FUT9: variants seen among roughly 807,000 people sequenced by gnomAD.
FUT9 encodes the protein 4-galactosyl-N-acetylglucosaminide 3-alpha-L-fucosyltransferase 9.
In FUT9, 15 loss-of-function variants were observed where a neutral mutation model predicts 29.7. The observed-to-expected ratio is 0.51, with a 90% confidence interval of 0.34 to 0.78. The LOEUF (loss-of-function observed/expected upper bound fraction) is 0.78. Among genes scored for constraint, FUT9 ranks in the 30% least tolerant of loss-of-function variants. The pLI, the probability that FUT9 is intolerant of heterozygous loss-of-function variation, is 0.01. For synonymous variants in FUT9, 169 were observed against 153.7 expected, an observed-to-expected ratio of 1.10 and a Z score of -0.74; for missense variants, 319 against 425.4, an observed-to-expected ratio of 0.75 and a Z score of 2.20.
intron 2 of FUT9, among the ~76,000 whole-genome samples, chr6:96,153,723 T>C (rs1461531244): frequency 6.6e-6 from 1 of 152,208 alleles, no homozygotes; most frequent in Non-Finnish European, 1.5e-5. Flanking sequence ...CTCTCATTTA[T>C]CACTTTGTCA....
intron 1 of FUT9, among the ~76,000 whole-genome samples, chr6:96,044,349 A>C (rs1770521440): frequency 1.3e-5 from 2 of 152,256 alleles, no homozygotes; most frequent in African/African-American, 4.8e-5. Flanking sequence ...ACAAAGAGAC[A>C]GAACTAAATA....
chr6:96,120,269 CTTTT>C lies in FUT9; in HGVS notation c.-9+6158_-9+6161del, dbSNP rs11347804. Among the ~76,000 whole-genome samples, 9 of 91,470 alleles carry C rather than the reference CTTTT, an allele frequency of 9.8e-5. No individual in the cohort carries two copies. In the South Asian group the frequency reaches 3.7e-3, roughly 38 times the overall value. 60.0% of individuals were successfully genotyped at this position (91,470 alleles called of 152,430 possible). A position where few individuals can be genotyped will look rare whatever the true frequency, so the allele number is the denominator to read the frequency against. ...AAGACCCACTTTTTCTTTTTTCTTT[CTTTT>C]TTTTTTTTTTTTTTTGAGATGGAGT... On this transcript the variant is annotated intron_variant, in intron 2 of 2. Coordinates refer to ENST00000302103, the MANE Select transcript of FUT9 (RefSeq NM_006581.4).
At position 96,194,703 on chromosome 6, in the gene FUT9, ATTTT is replaced by A. The variant is rs68110155; in HGVS notation, c.-8-8434_-8-8431del. Among the ~76,000 whole-genome samples, 587 of 150,450 alleles carry A rather than the reference ATTTT, an allele frequency of 3.9e-3. 3 individuals are homozygous for A. Among genetic ancestry groups the A allele is most frequent in the Non-Finnish European group, 3.6e-3 (246 of 67,670 alleles). On this transcript the variant is annotated intron_variant, in intron 2 of 2. Transcript: ENST00000302103. The stretch of plus-strand genomic sequence containing the variant: ...TATCAGCCCAAAATGAGAGTTTTGG[ATTTT>A]TTTTTTTTTTAATCTGTTGGCTGCA...
At chr6:96,195,538 T>A (rs1383052571) in intron 2 of FUT9, among the ~76,000 whole-genome samples, 1 of 152,106 alleles carries the variant, frequency 6.6e-6, no homozygotes, top group Non-Finnish European at 1.5e-5. Flanking sequence ...ATGGAGAAAA[T>A]TGTGGGAACT....
intron 2 of FUT9, among the ~76,000 whole-genome samples, chr6:96,123,683 G>A (rs1772075625): frequency 6.6e-6 from 1 of 152,162 alleles, no homozygotes. Flanking sequence ...TTCTGGAACT[G>A]TCATTGATTA....
chr6:96,088,579 C>T (rs957972451), intron 1 of FUT9, among the ~76,000 whole-genome samples: 9 of 150,434 alleles, frequency 6.0e-5, no homozygotes, highest in Non-Finnish European at 5.9e-5. Context: ...CGTGCGCGCG[C>T]GTGCTCCATA....
chr6:96,061,668 G>C (rs961087269), intron 1 of FUT9, among the ~76,000 whole-genome samples: 1 of 151,874 alleles, frequency 6.6e-6, no homozygotes, highest in East Asian at 1.9e-4. Flanking sequence ...TTTCCTCTTA[G>C]ACTCATGTAG....
In FUT9 at chr6:96,209,505, T is replaced by G. The variant is rs1184328940; in HGVS notation, c.*5270T>G. 1.2e-5 allele frequency: 2 copies of G among 166,904 alleles called. No individual in the cohort carries two copies. Among genetic ancestry groups the G allele is most frequent in the Non-Finnish European group, 2.9e-5 (2 of 68,038 alleles). The allele number at this position is 166,904 out of a possible 1,614,324, so 10.3% of individuals were successfully genotyped here. The stretch of plus-strand genomic sequence containing the variant: ...TATTTTAGGCATTATTTTGAAATAT[T>G]TTAGAGTTTTCTGTACTATTCAAAC... On this transcript the variant is annotated 3_prime_UTR_variant, in exon 3 of 3. Transcript: ENST00000302103.
intron 1 of FUT9, among the ~76,000 whole-genome samples, chr6:96,109,004 T>TA (rs1462968615): frequency 6.6e-6 from 1 of 152,124 alleles, no homozygotes; most frequent in African/African-American, 2.4e-5. Context: ...TATGTTGAAT[T>TA]AAAAAAAGCT....
intron 1 of FUT9, among the ~76,000 whole-genome samples, chr6:96,041,257 A>G (rs531395515): frequency 1.3e-5 from 2 of 152,020 alleles, no homozygotes; most frequent in Non-Finnish European, 2.9e-5. Context: ...AATATTTTAT[A>G]TATTGAATTC....
chr6:96,110,815 C>CTATTTTTTATTTATTTATT (rs11283884), intron 1 of FUT9, among the ~76,000 whole-genome samples: 45,351 of 144,852 alleles, frequency 0.31, 7,950 homozygotes, highest in East Asian at 0.54. Context: ...ACAAATGTGC[C>CTATTTTTTATTTATTTATT]TATTTATTTA....
chr6:96,142,131 A>G (rs1772474785), intron 2 of FUT9, among the ~76,000 whole-genome samples: 1 of 152,188 alleles, frequency 6.6e-6, no homozygotes, highest in South Asian at 2.1e-4. Flanking sequence ...ATAATTTCAG[A>G]GGTTGAACAG....
chr6:96,074,452 AT>A (rs1227237923), intron 1 of FUT9, among the ~76,000 whole-genome samples: 3 of 152,152 alleles, frequency 2.0e-5, no homozygotes, highest in African/African-American at 7.2e-5. Flanking sequence ...TAGGAGTCAG[AT>A]TTTTGTTTAA....
chr6:96,019,078 C>T (rs184298256), intron 1 of FUT9, among the ~76,000 whole-genome samples: 31 of 151,884 alleles, frequency 2.0e-4, no homozygotes, highest in Middle Eastern at 6.8e-3. Context: ...TAAAATAAAG[C>T]CTTTTATTCC....
chr6:96,196,898 G>A (rs1735198950), intron 2 of FUT9, among the ~76,000 whole-genome samples: 1 of 151,986 alleles, frequency 6.6e-6, no homozygotes, highest in Non-Finnish European at 1.5e-5. Flanking sequence ...GTTCTTACAC[G>A]GAAAGATGGG....
At chr6:96,168,433 G>T (rs1773053223) in intron 2 of FUT9, among the ~76,000 whole-genome samples, 1 of 152,174 alleles carries the variant, frequency 6.6e-6, no homozygotes, top group African/African-American at 2.4e-5. Context: ...ATCAGAAAGG[G>T]AGAAAACTAA....
chr6:96,033,520 CAATT>C (rs760250156), intron 1 of FUT9, among the ~76,000 whole-genome samples: 2 of 151,528 alleles, frequency 1.3e-5, no homozygotes, highest in Admixed American at 6.6e-5. Context: ...ATGTAAGAAA[CAATT>C]AATTATATAG....
At chr6:96,183,396 T>G (rs1773344888) in intron 2 of FUT9, among the ~76,000 whole-genome samples, 1 of 152,014 alleles carries the variant, frequency 6.6e-6, no homozygotes, top group South Asian at 2.1e-4. Flanking sequence ...CAGCAAACAG[T>G]GACAGTTGGA....
At chr6:96,134,525 T>C (rs1772311600) in intron 2 of FUT9, among the ~76,000 whole-genome samples, 1 of 151,862 alleles carries the variant, frequency 6.6e-6, no homozygotes, top group Non-Finnish European at 1.5e-5. Flanking sequence ...CTCCAAATAT[T>C]TCAATATGAT....
Sources: gnomAD v4.1 joint callset for allele counts (sites outside exome capture counted in the v4.1 genomes callset) on GRCh38, gnomAD v4.1.1 for gene constraint, MANE v1.5 for transcripts, NCBI Gene and HGNC (gene_info 2026-07-23, HGNC 2026-07-21) for gene names.